Variants in ZRANB1 observed in about 807,000 individuals in gnomAD.
The protein encoded by ZRANB1 is ubiquitin thioesterase ZRANB1.
ZRANB1 carries 16 observed loss-of-function variants against 80.5 expected under a neutral mutation model. The ratio of observed to expected loss-of-function variants is 0.20; its 90% CI spans 0.13 to 0.30. The LOEUF is 0.30. Among genes scored for constraint, ZRANB1 ranks in the 10% least tolerant of loss-of-function variants. The pLI, the probability that ZRANB1 is intolerant of heterozygous loss-of-function variation, is 1.00. For synonymous variants in ZRANB1, 291 were observed against 293.1 expected, an observed-to-expected ratio of 0.99 and a Z score of 0.07; for missense variants, 576 against 862.6, an observed-to-expected ratio of 0.67 and a Z score of 4.16.
the ZRANB1 span, among the ~76,000 whole-genome samples, chr10:124,923,780 G>A: frequency 6.6e-6 from 1 of 151,714 alleles, no homozygotes; most frequent in African/African-American, 2.4e-5. Context: ...AACTCACTCA[G>A]TATCTCAAGA....
intron 1 of ZRANB1, 95 bp downstream of exon 1, chr10:124,943,402 C>T (rs942408405): frequency 4.1e-6 from 5 of 1,223,722 alleles, no homozygotes; most frequent in Non-Finnish European, 4.5e-6. Flanking sequence ...CGTTTGTGGT[C>T]TTAGCCACTT....
Position 124,983,257 on chromosome 10 carries a change from A to T in ZRANB1, c.1631A>T (p.Tyr544Phe). 1 of 1,614,156 alleles carries T rather than the reference A, an allele frequency of 6.2e-7. No homozygotes were observed. The highest frequency in any genetic ancestry group is 1.1e-5 in the South Asian group (1 of 91,074). ...RRPIIVYGVK[Y>F]YKSFRGETLG... ...CCAATTATAGTTTATGGAGTAAAAT[A>T]TTACAAGAGTTTCCGGGGAGAAACT... The change falls in exon 7 of 9, where the codon TAT becomes TTT. Residue 544 changes from tyrosine to phenylalanine, a missense_variant. By Grantham distance (22) the Tyr-to-Phe change is conservative (BLOSUM62 3). Coordinates refer to ENST00000359653, the MANE Select transcript of ZRANB1 (RefSeq NM_017580.3). The surrounding 1 kb of genome is among the most constrained non-coding windows in gnomAD (Gnocchi z 6.2).
the ZRANB1 span, among the ~76,000 whole-genome samples, chr10:124,917,454 C>G: frequency 6.6e-6 from 1 of 151,868 alleles, no homozygotes; most frequent in Non-Finnish European, 1.5e-5. Context: ...CTTGGGCGCT[C>G]CGGTTGCGGG....
intron 1 of ZRANB1, among the ~76,000 whole-genome samples, chr10:124,965,799 G>A (rs938199132): frequency 6.6e-6 from 1 of 152,120 alleles, no homozygotes; most frequent in Non-Finnish European, 1.5e-5. Context: ...TACTTTACCA[G>A]ACTGCTTAGT....
At chr10:124,970,998 A>G (rs996548862) in intron 2 of ZRANB1, among the ~76,000 whole-genome samples, 1 of 151,884 alleles carries the variant, frequency 6.6e-6, no homozygotes, top group Non-Finnish European at 1.5e-5. Context: ...TTGTAGTAGT[A>G]TTTTTAGTAG....
the ZRANB1 span, among the ~76,000 whole-genome samples, chr10:124,926,930 A>G: frequency 3.3e-5 from 5 of 152,068 alleles, no homozygotes; most frequent in African/African-American, 4.8e-5. Flanking sequence ...CGATTGACAC[A>G]TGGTTATGCA....
chr10:124,971,992 C>G lies in ZRANB1; in HGVS notation c.1030C>G (p.Pro344Ala). 1 of 1,604,772 alleles carries G rather than the reference C, an allele frequency of 6.2e-7. No individual in the cohort carries two copies. The highest frequency in any genetic ancestry group is 8.5e-7 in the Non-Finnish European group (1 of 1,175,880). ...EVSQQAAKCI[P>A]AMVCPELTEQ... Reference sequence around the variant, plus strand: ...GTCTCAACAAGCAGCAAAGTGTATTCCAGCAATGGTGTGTCCTGAACTGAC... The same window carrying G: ...GTCTCAACAAGCAGCAAAGTGTATTGCAGCAATGGTGTGTCCTGAACTGAC... Residue 344 changes from proline to alanine, a missense_variant, in exon 3 of 9, where the codon CCA becomes GCA. Coordinates refer to ENST00000359653, the MANE Select transcript of ZRANB1 (RefSeq NM_017580.3).
In ZRANB1 at chr10:124,966,063, G is replaced by A. The variant is rs146918504; in HGVS notation, c.815-531G>A. Among the ~76,000 whole-genome samples, 383 of 152,208 alleles carry A rather than the reference G, an allele frequency of 2.5e-3. 1 individual carries two copies. Among genetic ancestry groups the A allele is most frequent in the African/African-American group, 8.8e-3 (366 of 41,520 alleles). ...AATCTGAAATCAAAATGTTGCCAAC[G>A]TTTACTTACACTGAAGATGGTTTCA... On this transcript the variant is annotated intron_variant, in intron 1 of 8. Coordinates refer to ENST00000359653, the MANE Select transcript of ZRANB1 (RefSeq NM_017580.3).
chr10:124,931,372 C>T, the ZRANB1 span, among the ~76,000 whole-genome samples: 15 of 151,970 alleles, frequency 9.9e-5, no homozygotes, highest in Non-Finnish European at 1.9e-4. Flanking sequence ...AAATACTCTC[C>T]GTTATTATTA....
the ZRANB1 span, among the ~76,000 whole-genome samples, chr10:124,932,580 A>T: frequency 1.3e-5 from 2 of 151,146 alleles, no homozygotes; most frequent in East Asian, 2.0e-4. Context: ...TATGATTTTG[A>T]ATTCCCACCA....
intron 2 of ZRANB1, among the ~76,000 whole-genome samples, chr10:124,967,242 TGTC>T (rs756681235): frequency 7.2e-5 from 11 of 152,210 alleles, no homozygotes; most frequent in Admixed American, 6.5e-5. Context: ...TGAGGTGTCT[TGTC>T]GTCTTTCTTA....
chr10:124,969,752 T>A (rs1321342774), intron 2 of ZRANB1, among the ~76,000 whole-genome samples: 2 of 152,204 alleles, frequency 1.3e-5, no homozygotes, highest in African/African-American at 4.8e-5. Context: ...TGATTTAACT[T>A]GAATTAAAAC....
At chr10:124,976,029 G>A (rs558431700) in intron 5 of ZRANB1, among the ~76,000 whole-genome samples, 3 of 152,258 alleles carry the variant, frequency 2.0e-5, no homozygotes, top group East Asian at 1.9e-4. Context: ...GAAGCATAAC[G>A]TAATAGAGTA....
intron 1 of ZRANB1, among the ~76,000 whole-genome samples, chr10:124,956,192 AAAG>A (rs1046786034): frequency 2.6e-5 from 4 of 152,366 alleles, no homozygotes; most frequent in Admixed American, 2.6e-4. Context: ...TTCATTTAAA[AAAG>A]AAAGTACTAT....
At chr10:124,950,146 A>T (rs192056185) in intron 1 of ZRANB1, among the ~76,000 whole-genome samples, 136 of 152,184 alleles carry the variant, frequency 8.9e-4, no homozygotes, top group African/African-American at 3.1e-3. Flanking sequence ...TTTTGAGGCA[A>T]GGTGGTCTCA....
the ZRANB1 span, among the ~76,000 whole-genome samples, chr10:124,931,525 G>A: frequency 1.3e-5 from 2 of 151,844 alleles, no homozygotes; most frequent in African/African-American, 4.8e-5. Context: ...TGCCCACCAC[G>A]ACTCCCGGCT....
At position 124,983,166 on chromosome 10, in the gene ZRANB1, T is replaced by C. The variant is rs1951956112; in HGVS notation, c.1549-9T>C. On this transcript the variant is annotated splice_polypyrimidine_tract_variant and intron_variant, in intron 6 of 8. Transcript: ENST00000359653. This position sits in a 1 kb window ranked among gnomAD's most constrained non-coding sequence, Gnocchi z 6.2. Reference sequence around the variant, plus strand: ...TAAATGTTTTAAGTTTTTGTTTTGTTTCGTACAGCCTGGAGCAAGCTTGGA... The same window carrying C: ...TAAATGTTTTAAGTTTTTGTTTTGTCTCGTACAGCCTGGAGCAAGCTTGGA... 1.2e-6 allele frequency: 2 copies of C among 1,602,994 alleles called. No homozygotes were observed. The highest frequency in any genetic ancestry group is 1.7e-6 in the Non-Finnish European group (2 of 1,176,472).
chr10:124,918,224 C>T, the ZRANB1 span, among the ~76,000 whole-genome samples: 9 of 152,240 alleles, frequency 5.9e-5, no homozygotes, highest in African/African-American at 1.9e-4. Flanking sequence ...GAGTTTCCCC[C>T]TTGTTACCCA....
At chr10:124,943,425 G>C in intron 1 of ZRANB1, 118 bp downstream of exon 1, 1 of 943,824 alleles carries the variant, frequency 1.1e-6, no homozygotes, top group Non-Finnish European at 1.6e-6. Context: ...TTGAAACCAG[G>C]AGTTTGAGGC....
Sources: allele counts gnomAD v4.1 joint callset (sites outside exome capture counted in the v4.1 genomes callset), GRCh38; gene constraint gnomAD v4.1.1; non-coding constraint Gnocchi (gnomAD v3.1); transcripts MANE v1.5; gene names NCBI Gene and HGNC (gene_info 2026-07-23, HGNC 2026-07-21).